DLGAP1: variants seen among roughly 807,000 people sequenced by gnomAD.
The protein encoded by DLGAP1 is disks large-associated protein 1.
In DLGAP1, 11 loss-of-function variants were observed where a neutral mutation model predicts 90.8. The observed-to-expected ratio is 0.12, with a 90% CI of 0.08 to 0.20. DLGAP1 has a LOEUF of 0.20. DLGAP1 is among the 10% of genes least tolerant of loss of function. DLGAP1 has a pLI of 1.00. For missense variants in DLGAP1, 1,050 were observed against 1,333.8 expected, an observed-to-expected ratio of 0.79 and a Z score of 3.31; for synonymous variants, 558 against 540.7, an observed-to-expected ratio of 1.03 and a Z score of -0.44.
intron 1 of DLGAP1, among the ~76,000 whole-genome samples, chr18:4,171,010 C>T (rs2144584312): frequency 6.6e-6 from 1 of 152,016 alleles, no homozygotes; most frequent in South Asian, 2.1e-4. Context: ...AGTATATGCG[C>T]TCATATATGT....
intron 2 of DLGAP1, among the ~76,000 whole-genome samples, chr18:4,099,296 C>CTATCT (rs1222444832): frequency 2.1e-5 from 3 of 143,948 alleles, no homozygotes; most frequent in Non-Finnish European, 3.0e-5. Context: ...ATCTGTCTAT[C>CTATCT]ATCTATCTAT....
chr18:3,791,182 C>T (rs2148225590), intron 5 of DLGAP1, among the ~76,000 whole-genome samples: 1 of 152,222 alleles, frequency 6.6e-6, no homozygotes, highest in East Asian at 1.9e-4. Flanking sequence ...AAATGATATC[C>T]CTCAGAAAAG....
intron 7 of DLGAP1, among the ~76,000 whole-genome samples, chr18:3,685,602 G>T (rs558574008): frequency 1.4e-5 from 2 of 141,816 alleles, no homozygotes; most frequent in African/African-American, 5.8e-5. Flanking sequence ...TCCAGAGACG[G>T]TACCCTTTAA....
intron 1 of DLGAP1, among the ~76,000 whole-genome samples, chr18:4,229,655 G>A (rs1407645231): frequency 6.6e-6 from 1 of 151,910 alleles, no homozygotes; most frequent in East Asian, 1.9e-4. Context: ...CTTGTCTCTT[G>A]CCATATTAAG....
chr18:4,129,817 T>G lies in DLGAP1; in HGVS notation c.-159+21363A>C, dbSNP rs558598484. On this transcript the variant is annotated intron_variant, in intron 2 of 12. Transcript: ENST00000315677. ...TCTCTTCTTGCTAAAATAGTTAATTTGAAGGAATAACAGGAATATATAAAA... is the reference window on the plus strand; with the variant it reads ...TCTCTTCTTGCTAAAATAGTTAATTGGAAGGAATAACAGGAATATATAAAA... Among the ~76,000 whole-genome samples the G allele has an allele frequency of 2.6e-5, 4 of 152,258 alleles. No individual in the cohort carries two copies. In the South Asian group the frequency reaches 8.3e-4, roughly 32 times the overall value.
At chr18:3,695,732 CTG>C (rs1262389751) in intron 7 of DLGAP1, among the ~76,000 whole-genome samples, 1 of 152,092 alleles carries the variant, frequency 6.6e-6, no homozygotes, top group African/African-American at 2.4e-5. Context: ...TTTTCTAATT[CTG>C]TGAAGAAAGT....
intron 7 of DLGAP1, among the ~76,000 whole-genome samples, chr18:3,592,906 GAAAAAA>G (rs1318297720): frequency 1.2e-4 from 8 of 65,822 alleles, no homozygotes; most frequent in Admixed American, 5.8e-4. Flanking sequence ...AAAAGAAAAA[GAAAAAA>G]AAGAAAGAAA....
intron 2 of DLGAP1, among the ~76,000 whole-genome samples, chr18:4,126,643 C>T (rs2076237598): frequency 6.6e-6 from 1 of 152,046 alleles, no homozygotes; most frequent in Non-Finnish European, 1.5e-5. Flanking sequence ...CTTGGAAGAA[C>T]CCTTTAGAAA....
chr18:4,355,411 G>C (rs1357334061), intron 1 of DLGAP1, among the ~76,000 whole-genome samples: 2 of 152,224 alleles, frequency 1.3e-5, no homozygotes, highest in Admixed American at 6.5e-5. Flanking sequence ...CAAAATTATA[G>C]AGATGGAGAA....
chr18:4,296,327 T>TACAC (rs906554519), intron 1 of DLGAP1, among the ~76,000 whole-genome samples: 1 of 151,744 alleles, frequency 6.6e-6, no homozygotes, highest in African/African-American at 2.4e-5. Context: ...CAGAAACACA[T>TACAC]ACACACACAC....
intron 7 of DLGAP1, among the ~76,000 whole-genome samples, chr18:3,719,386 G>A (rs532607991): frequency 8.6e-4 from 130 of 151,882 alleles, no homozygotes; most frequent in African/African-American, 3.0e-3. Context: ...GCAAAACCCT[G>A]TCTCTACTAA....
chr18:3,903,685 A>C (rs2071834157), intron 3 of DLGAP1, among the ~76,000 whole-genome samples: 1 of 152,352 alleles, frequency 6.6e-6, no homozygotes, highest in East Asian at 1.9e-4. Context: ...TATAGGAAGA[A>C]TGGAGAAATC....
rs537977705 is a variant in DLGAP1 at position 4,331,413 on chromosome 18, C to T, written c.-267+123593G>A. ...GATTCTTCAGAAAACACAAAAAACT[C>T]GTTTACCTGTCTCCACATCCACAGT... On this transcript the variant is annotated intron_variant, in intron 1 of 12. Transcript: ENST00000315677. Among the ~76,000 whole-genome samples, 146 of 151,842 alleles carry T rather than the reference C, an allele frequency of 9.6e-4. 5 individuals carry two copies. The highest frequency in any genetic ancestry group is 3.3e-3 in the African/African-American group (137 of 41,212).
intron 7 of DLGAP1, among the ~76,000 whole-genome samples, chr18:3,696,063 C>A (rs1195119734): frequency 6.6e-6 from 1 of 152,194 alleles, no homozygotes; most frequent in African/African-American, 2.4e-5. Flanking sequence ...TGAGTCTTTG[C>A]TGAAATTGCT....
intron 1 of DLGAP1, among the ~76,000 whole-genome samples, chr18:4,419,036 T>A (rs1457608424): frequency 1.3e-5 from 2 of 152,208 alleles, no homozygotes; most frequent in Admixed American, 1.3e-4. Context: ...TATAGCAGAC[T>A]TGTAGCTAGA....
At chr18:3,962,046 A>G (rs77713432) in intron 3 of DLGAP1, among the ~76,000 whole-genome samples, 1,911 of 152,310 alleles carry the variant, frequency 0.013, 39 homozygotes, top group African/African-American at 0.045. Context: ...TTGGTACAAG[A>G]CAGTAGAAGA....
At chr18:3,757,353 G>A (rs1036577758) in intron 5 of DLGAP1, among the ~76,000 whole-genome samples, 2 of 152,146 alleles carry the variant, frequency 1.3e-5, no homozygotes, top group African/African-American at 4.8e-5. Flanking sequence ...AGGTTGCAGT[G>A]AGCCAAGACT....
intron 4 of DLGAP1, 130 bp downstream of exon 4, chr18:3,878,982 C>T: frequency 8.2e-6 from 6 of 732,288 alleles, no homozygotes; most frequent in Middle Eastern, 2.6e-4. Flanking sequence ...CACAGAGATG[C>T]CGAATAATTT....
At chr18:3,734,109 A>G (rs1408435356) in intron 6 of DLGAP1, among the ~76,000 whole-genome samples, 1 of 152,172 alleles carries the variant, frequency 6.6e-6, no homozygotes, top group Non-Finnish European at 1.5e-5. Flanking sequence ...GTTTAAAAAA[A>G]TCATTGTTTT....
Sources: allele counts gnomAD v4.1 joint callset (sites outside exome capture counted in the v4.1 genomes callset), GRCh38; gene constraint gnomAD v4.1.1; transcripts MANE v1.5; gene names NCBI Gene and HGNC (gene_info 2026-07-23, HGNC 2026-07-21).